Variants in SARDH observed in about 807,000 individuals in gnomAD.
SARDH encodes the protein sarcosine dehydrogenase, also known as sarcosine dehydrogenase, mitochondrial.
A neutral mutation model predicts 109.1 loss-of-function variants in SARDH; 95 were observed. The ratio of observed to expected loss-of-function variants is 0.87; its 90% CI spans 0.74 to 1.03. The LOEUF is 1.03. Ranked by LOEUF, SARDH falls within the 50% of genes least tolerant of loss-of-function variation. The pLI is 0.00. For missense variants in SARDH, 1,267 were observed against 1,287.8 expected (o/e 0.98, Z 0.25); for synonymous variants, 572 against 534.8 (o/e 1.07, Z -0.96).
At chr9:133,733,766 T>A in intron 2 of SARDH, 77 bp downstream of exon 2, 1 of 1,318,280 alleles carries the variant, frequency 7.6e-7, no homozygotes, top group African/African-American at 1.5e-5. Flanking sequence ...AACCAAGAAC[T>A]GTCCCAGCTA....
chr9:133,713,699 C>T (rs891677542), intron 8 of SARDH, among the ~76,000 whole-genome samples: 5 of 152,246 alleles, frequency 3.3e-5, no homozygotes, highest in Admixed American at 6.5e-5. Context: ...GGCCAGGACA[C>T]GGTGGGAGGG....
At chr9:133,672,466 G>A (rs1432590495) in intron 17 of SARDH, among the ~76,000 whole-genome samples, 2 of 152,218 alleles carry the variant, frequency 1.3e-5, no homozygotes, top group Non-Finnish European at 2.9e-5. Flanking sequence ...ATGGGGTTGG[G>A]AGCCCAGCTT....
At chr9:133,730,528 T>TA (rs33917417) in intron 4 of SARDH, among the ~76,000 whole-genome samples, 3,030 of 142,640 alleles carry the variant, frequency 0.021, 81 homozygotes, top group East Asian at 0.068. Flanking sequence ...TACTGCTTGG[T>TA]AAAAAAAAAA....
At position 133,718,769 on chromosome 9, in the gene SARDH, G is replaced by C; in HGVS notation, c.1020+169C>G. The C allele has an allele frequency of 1.3e-6, 1 of 784,040 alleles. No homozygotes were observed. The highest frequency in any genetic ancestry group is 2.4e-6 in the Non-Finnish European group (1 of 422,544). 48.6% of individuals were successfully genotyped at this position (784,040 alleles called of 1,614,324 possible). On this transcript the variant is annotated intron_variant, in intron 7 of 20. Coordinates refer to ENST00000439388, the MANE Select transcript of SARDH (RefSeq NM_001134707.2). The surrounding 1 kb of genome is among the most constrained non-coding windows in gnomAD (Gnocchi z 4.2). ...CTGTATTTGACTGCCTGCCAGGACC[G>C]TCAGGGTAAGAGCAAGATGGCTTTG...
At position 133,675,370 on chromosome 9, in the gene SARDH, A is replaced by C. The variant is rs542001832; in HGVS notation, c.2164-3673T>G. On this transcript the variant is annotated intron_variant, in intron 17 of 20. Transcript: ENST00000439388. ...CATTTAAAAAAAAAAAAAATAGGCA[A>C]GGGACTTGAATCGACAATTCTCAAA... Among the ~76,000 whole-genome samples the C allele has an allele frequency of 4.6e-4, 70 of 151,898 alleles. 1 individual carries two copies. The highest frequency in any genetic ancestry group is 5.9e-4 in the Admixed American group (9 of 15,252).
In SARDH at chr9:133,709,536, G is replaced by A. The variant is rs540435732; in HGVS notation, c.1329-1108C>T. On this transcript the variant is annotated intron_variant, in intron 10 of 20. Coordinates refer to ENST00000439388, the MANE Select transcript of SARDH (RefSeq NM_001134707.2). This position sits in a 1 kb window ranked among gnomAD's most constrained non-coding sequence, Gnocchi z 4.2. ...CTGCCTCAGCAGCCACATCAGAGGC[G>A]TTTCTATCCTCAGTGACACCTGTCA... Among the ~76,000 whole-genome samples the A allele has an allele frequency of 2.1e-4, 32 of 152,250 alleles. No individual in the cohort carries two copies. The highest frequency in any genetic ancestry group is 6.5e-4 in the African/African-American group (27 of 41,536).
rs2131421990 is a variant in SARDH, at chr9:133,704,864, G to T, written c.1554+84C>A. The T allele has an allele frequency of 1.7e-6, 2 of 1,198,306 alleles. No individual in the cohort carries two copies. Among genetic ancestry groups the T allele is most frequent in the Non-Finnish European group, 2.4e-6 (2 of 833,036 alleles). 74.2% of individuals were successfully genotyped at this position (1,198,306 alleles called of 1,614,324 possible). ...CACCTGGGGAGGCGGGGCACACGGAGGGGCAAGGACGGGGCACGTGGAGGG... is the reference window on the plus strand; with the variant it reads ...CACCTGGGGAGGCGGGGCACACGGATGGGCAAGGACGGGGCACGTGGAGGG... On this transcript the variant is annotated intron_variant, in intron 12 of 20. Transcript: ENST00000439388. This position sits in a 1 kb window ranked among gnomAD's most constrained non-coding sequence, Gnocchi z 4.5.
chr9:133,697,855 T>C (rs1831338653), intron 13 of SARDH, among the ~76,000 whole-genome samples: 1 of 152,096 alleles, frequency 6.6e-6, no homozygotes, highest in Admixed American at 6.5e-5. Flanking sequence ...GGGTCCATTC[T>C]TGCCACTCTA....
Position 133,712,147 on chromosome 9 carries a change from A to G in SARDH, c.1328+472T>C, listed in dbSNP as rs2427985. Among the ~76,000 whole-genome samples, 152,024 of 152,304 alleles carry G rather than the reference A, an allele frequency of 1. 75,872 individuals are homozygous for G. The highest frequency in any genetic ancestry group is 1 in the Non-Finnish European group (68,034 of 68,034). On this transcript the variant is annotated intron_variant, in intron 10 of 20. Transcript: ENST00000439388. This position sits in a 1 kb window ranked among gnomAD's most constrained non-coding sequence, Gnocchi z 4.1. ...CCCAGAACCTCCACAGCCCCTCCCC[A>G]TCACCCTGCATTAGAGACGAGGAAG... is the stretch of plus-strand genomic sequence containing the variant.
rs764667765 is a variant in SARDH at position 133,692,354 on chromosome 9, G to T, written c.1922-1827C>A. ...TGCGGCTATGGGCTGTGCCTGGGCC[G>T]CCCCTCTACTGGGGGCTGATGCCTA... is the stretch of plus-strand genomic sequence containing the variant. On this transcript the variant is annotated intron_variant, in intron 15 of 20. Transcript: ENST00000439388. This position sits in a 1 kb window ranked among gnomAD's most constrained non-coding sequence, Gnocchi z 5.0. Among the ~76,000 whole-genome samples the T allele has an allele frequency of 6.6e-6, 1 of 152,088 alleles. No individual in the cohort carries two copies. Among genetic ancestry groups the T allele is most frequent in the Non-Finnish European group, 1.5e-5 (1 of 67,990 alleles).
Position 133,670,660 on chromosome 9 carries a change from A to G in SARDH, c.2419T>C (p.Phe807Leu). The G allele has an allele frequency of 1.3e-6, 2 of 1,598,196 alleles. No homozygotes were observed. Among genetic ancestry groups the G allele is most frequent in the Non-Finnish European group, 1.7e-6 (2 of 1,173,328 alleles). Residue 807 changes from phenylalanine (F) to leucine (L), a missense_variant, in exon 19 of 21, where the codon TTC (phenylalanine) becomes CTC (leucine). By Grantham distance (22) the Phe-to-Leu change is conservative. Transcript: ENST00000439388. ...FTCKLKSPVP[F>L]LGREALEQQR... is the part of the protein sequence containing the mutation. ...TGCTCCAGGGCCTCCCTCCCCAGGA[A>G]GGGCACCGGCGACTTGAGCTTGCAG...
chr9:133,685,559 T>C (rs1384457596), intron 16 of SARDH, among the ~76,000 whole-genome samples: 1 of 152,100 alleles, frequency 6.6e-6, no homozygotes, highest in South Asian at 2.1e-4. Context: ...GATTCTTAGA[T>C]GGGGAAGTGA....
At chr9:133,733,433 G>A (rs1303799629) in intron 2 of SARDH, among the ~76,000 whole-genome samples, 2 of 152,186 alleles carry the variant, frequency 1.3e-5, no homozygotes, top group East Asian at 1.9e-4. Flanking sequence ...AGGAGAATGA[G>A]AACTGTAGAA....
intron 4 of SARDH, among the ~76,000 whole-genome samples, chr9:133,730,749 C>T (rs1181394917): frequency 6.6e-6 from 1 of 151,826 alleles, no homozygotes; most frequent in East Asian, 1.9e-4. Flanking sequence ...AGGCCGAGGC[C>T]GGTGGATCAC....
At chr9:133,700,069 G>A (rs1831426127) in intron 13 of SARDH, among the ~76,000 whole-genome samples, 1 of 152,228 alleles carries the variant, frequency 6.6e-6, no homozygotes, top group Non-Finnish European at 1.5e-5. Context: ...GCTCATGCCT[G>A]TAATCCCAGC....
chr9:133,667,541 G>A lies in SARDH; in HGVS notation c.2496-671C>T, dbSNP rs144176701. On this transcript the variant is annotated intron_variant, in intron 19 of 20. Coordinates refer to ENST00000439388, the MANE Select transcript of SARDH (RefSeq NM_001134707.2). The stretch of plus-strand genomic sequence containing the variant: ...TACATGTAATACATGAATGCTCACT[G>A]TAAAAGTTTTAAAGATTAAAAGCAG... Among the ~76,000 whole-genome samples the A allele has an allele frequency of 6.6e-5, 10 of 151,600 alleles. No individual in the cohort carries two copies. The East Asian group carries it at 1.2e-3, about 18-fold the overall frequency.
chr9:133,698,066 C>T (rs1012063498), intron 13 of SARDH, among the ~76,000 whole-genome samples: 4 of 135,984 alleles, frequency 2.9e-5, no homozygotes, highest in African/African-American at 5.5e-5. Flanking sequence ...AATAGTTCAA[C>T]GAGGTTGCAG....
chr9:133,708,825 A>G (rs1488697151), intron 10 of SARDH, among the ~76,000 whole-genome samples: 1 of 151,016 alleles, frequency 6.6e-6, no homozygotes, highest in Non-Finnish European at 1.5e-5. Flanking sequence ...GATCCCCAGA[A>G]TGCTCTGGGG....
intron 6 of SARDH, among the ~76,000 whole-genome samples, chr9:133,726,390 A>AATAATAATAATAATAATAATAATT (rs1401832170): frequency 6.8e-6 from 1 of 147,160 alleles, no homozygotes; most frequent in East Asian, 2.0e-4. Context: ...TAATAATAAT[A>AATAATAATAATAATAATAATAATT]ATAATAGTAG....
Sources: allele counts gnomAD v4.1 joint callset (sites outside exome capture counted in the v4.1 genomes callset), GRCh38; gene constraint gnomAD v4.1.1; non-coding constraint Gnocchi (gnomAD v3.1); transcripts MANE v1.5; gene names NCBI Gene and HGNC (gene_info 2026-07-23, HGNC 2026-07-21).